LRRC37B: variants seen among roughly 807,000 people sequenced by gnomAD.
The protein encoded by LRRC37B is leucine rich repeat containing 37B.
Under a neutral mutation model 98.3 loss-of-function variants are expected in LRRC37B, and 28 were observed. That is an observed-to-expected ratio of 0.28 (90% confidence interval 0.21 to 0.39). The LOEUF (loss-of-function observed/expected upper bound fraction) is 0.39, where lower values mean the gene tolerates loss of function less well. Ranked by LOEUF, LRRC37B falls within the 10% of genes least tolerant of loss-of-function variation. The pLI is 1.00. For missense variants in LRRC37B, 938 were observed against 1,182.7 expected, an observed-to-expected ratio of 0.79 and a Z score of 3.03; for synonymous variants, 364 against 442.7, an observed-to-expected ratio of 0.82 and a Z score of 2.23.
chr17:32,025,030 GTTT>G (rs772444987), intron 2 of LRRC37B, among the ~76,000 whole-genome samples: 3 of 69,918 alleles, frequency 4.3e-5, no homozygotes, highest in Admixed American at 2.4e-4. Flanking sequence ...TTTTTTCCTC[GTTT>G]TTTTTTTTTT....
intron 8 of LRRC37B, chr17:32,047,258 T>G (rs2142261955): frequency 5.4e-6 from 1 of 184,886 alleles, no homozygotes; most frequent in African/African-American, 2.3e-5. Flanking sequence ...CATCCCGCCC[T>G]GCTCCTTTAG....
At chr17:32,020,003 G>A (rs962755733), upstream of LRRC37B, among the ~76,000 whole-genome samples, 2 of 151,994 alleles carry the variant, frequency 1.3e-5, no homozygotes, top group Non-Finnish European at 2.9e-5. Flanking sequence ...GCACCACCAC[G>A]CCTGGCTAAT....
At chr17:32,039,731 G>T (rs1023709580) in intron 7 of LRRC37B, among the ~76,000 whole-genome samples, 2 of 150,532 alleles carry the variant, frequency 1.3e-5, no homozygotes, top group African/African-American at 4.9e-5. Context: ...TGCTAAGGCT[G>T]GTTGAGGGCA....
At chr17:32,033,324 AAGGGAGGG>A (rs1567616357) in intron 5 of LRRC37B, among the ~76,000 whole-genome samples, 2 of 129,344 alleles carry the variant, frequency 1.5e-5, no homozygotes, top group African/African-American at 5.8e-5. Flanking sequence ...GGAAGGGAGG[AAGGGAGGG>A]AGGGGAGGGA....
chr17:32,049,788 G>A (rs529221411), intron 10 of LRRC37B, among the ~76,000 whole-genome samples: 257 of 152,162 alleles, frequency 1.7e-3, no homozygotes, highest in African/African-American at 5.6e-3. Flanking sequence ...GATCACCTGA[G>A]CCCAGGGAGG....
chr17:32,007,835 GC>G (rs1042983658), upstream of LRRC37B: 6 of 1,172,152 alleles, frequency 5.1e-6, no homozygotes, highest in African/African-American at 9.7e-5. This position sits in a 1 kb window ranked among gnomAD's most constrained non-coding sequence, Gnocchi z 4.1. Flanking sequence ...AGCCACCGCC[GC>G]CGGCCCGCCC....
rs898994731 is a variant in LRRC37B at position 32,040,937 on chromosome 17, G to A, written c.2205-4763G>A. 379 of 958,488 alleles carry A rather than the reference G, an allele frequency of 4.0e-4. 2 individuals are homozygous for A. The highest frequency in any genetic ancestry group is 7.1e-4 in the South Asian group (55 of 77,882). 59.4% of individuals were successfully genotyped at this position (958,488 alleles called of 1,614,324 possible). On this transcript the variant is annotated intron_variant, in intron 7 of 11. Coordinates refer to ENST00000327564, the Ensembl canonical transcript of LRRC37B. ...GCCGCCGCCTGGACTTTGACTAAAA[G>A]AAGCGGCAGGGCAAGATCCCCGATG...
intron 7 of LRRC37B, chr17:32,042,143 G>A (rs918364278): frequency 3.3e-6 from 1 of 299,246 alleles, no homozygotes; most frequent in African/African-American, 2.2e-5. Context: ...GCAACCAGGA[G>A]ACAGAGGCCA....
Position 32,045,744 on chromosome 17 carries a change from A to G in LRRC37B, c.2249A>G (p.Asn750Ser), listed in dbSNP as rs1315072019. The change falls in exon 8 of 12, where the codon AAT becomes AGT. Residue 750 changes from asparagine (N) to serine (S), a missense_variant. By Grantham distance (46) the Asn-to-Ser change is conservative (BLOSUM62 1). Coordinates refer to ENST00000327564, the Ensembl canonical transcript of LRRC37B. ...GCCTGCTGCCTCTGCCAATTTAAAAATAGCATTGAGGCTGTCTGCAAGACA... is the reference window on the plus strand; with the variant it reads ...GCCTGCTGCCTCTGCCAATTTAAAAGTAGCATTGAGGCTGTCTGCAAGACA... 11 of 1,602,922 alleles carry G rather than the reference A, an allele frequency of 6.9e-6. No individual in the cohort carries two copies. In the African/African-American group the frequency reaches 1.5e-4, roughly 21 times the overall value.
At position 32,024,894 on chromosome 17, in the gene LRRC37B, C is replaced by A. The variant is rs1413724467; in HGVS notation, c.1832+112C>A. The A allele has an allele frequency of 2.3e-5, 32 of 1,385,160 alleles. 1 individual carries two copies. Among genetic ancestry groups the A allele is most frequent in the Non-Finnish European group, 3.0e-5 (30 of 1,015,066 alleles). 85.8% of individuals were successfully genotyped at this position (1,385,160 alleles called of 1,614,324 possible). On this transcript the variant is annotated intron_variant, in intron 2 of 11. Coordinates refer to ENST00000327564, the Ensembl canonical transcript of LRRC37B. The stretch of plus-strand genomic sequence containing the variant: ...AGAAAAGATATTTCCCCTCCATACC[C>A]CAAATCAGCCTCTGTGGATTGCAAT...
chr17:32,038,899 G>C (rs1911325861), intron 7 of LRRC37B, among the ~76,000 whole-genome samples: 1 of 152,152 alleles, frequency 6.6e-6, no homozygotes, highest in South Asian at 2.1e-4. Context: ...ATAAAGTTTT[G>C]TGAAGAGCAG....
intron 7 of LRRC37B, chr17:32,036,349 A>G (rs1449847438): frequency 6.6e-6 from 1 of 152,210 alleles, no homozygotes; most frequent in African/African-American, 2.4e-5. Context: ...TGCCCCTATC[A>G]GTACAGCTGG....
exon 1 of LRRC37B, chr17:32,021,829 G>A: frequency 6.2e-7 from 1 of 1,614,190 alleles, no homozygotes; most frequent in South Asian, 1.1e-5. Flanking sequence ...GATTATTTGA[G>A]TATGGACACA....
At chr17:32,045,562 T>C in intron 7 of LRRC37B, 138 bp from the exon 11 acceptor site, 1 of 932,700 alleles carries the variant, frequency 1.1e-6, no homozygotes, top group South Asian at 1.5e-5. Flanking sequence ...ATTGGCCTTC[T>C]GGTTCCTACC....
upstream of LRRC37B, chr17:32,020,686 C>T: frequency 2.7e-6 from 1 of 365,018 alleles, no homozygotes; most frequent in Non-Finnish European, 4.2e-6. Flanking sequence ...TAACTGGCGC[C>T]CATTTTGCAG....
At chr17:32,009,837 G>A (rs1465052592) in intron 1 of LRRC37B, among the ~76,000 whole-genome samples, 1 of 151,600 alleles carries the variant, frequency 6.6e-6, no homozygotes, top group Non-Finnish European at 1.5e-5. Flanking sequence ...ATAGAGATGG[G>A]GTTTCGCTGT....
chr17:32,049,909 C>T, intron 10 of LRRC37B, 94 bp from the exon 14 acceptor site: 2 of 686,212 alleles, frequency 2.9e-6, no homozygotes, highest in Non-Finnish European at 5.0e-6. Flanking sequence ...AGCTACTCAA[C>T]TGGCATACTG....
In LRRC37B at chr17:32,021,636, G is replaced by T. The variant is rs1328268758; in HGVS notation, c.571G>T (p.Ala191Ser). The change falls in exon 1 of 12, where the codon GCA becomes TCA. Residue 191 changes from alanine (A) to serine (S), a missense_variant. Ala to Ser is a moderately conservative substitution (Grantham distance 99). This residue lies in a region of LRRC37B where 610 missense variants were observed against 625.6 expected (regional missense o/e 0.98). Coordinates refer to ENST00000327564, the Ensembl canonical transcript of LRRC37B. Reference sequence around the variant, plus strand: ...TCAAACTACAGATCTAGATCGGGCTGCAGGTCATCAGGCAGATGAAATACT... The same window carrying T: ...TCAAACTACAGATCTAGATCGGGCTTCAGGTCATCAGGCAGATGAAATACT... 6 of 1,614,238 alleles carry T rather than the reference G, an allele frequency of 3.7e-6. 1 individual carries two copies. The highest frequency in any genetic ancestry group is 5.1e-6 in the Non-Finnish European group (6 of 1,180,050).
chr17:32,021,154 G>A lies in LRRC37B; in HGVS notation c.89G>A (p.Trp30Ter). 1 of 1,613,938 alleles carries A rather than the reference G, an allele frequency of 6.2e-7. No homozygotes were observed. Among genetic ancestry groups the A allele is most frequent in the Non-Finnish European group, 8.5e-7 (1 of 1,180,030 alleles). ...ATAGCACCAGCGTGTGTCATGTCTT[G>A]GCTGCGTTTCTGGGGCCCATGGCCC... Residue 30 changes from tryptophan (W) to a stop codon, truncating the protein, a stop_gained, in exon 1 of 12, where the codon TGG (tryptophan) becomes TAG (stop). Transcript: ENST00000327564. LOFTEE classifies it high-confidence loss of function.
Sources: gnomAD v4.1 joint callset for allele counts (sites outside exome capture counted in the v4.1 genomes callset) on GRCh38, gnomAD v4.1.1 for gene constraint, gnomAD v4.1.1 regional missense constraint, Gnocchi (gnomAD v3.1) non-coding constraint, MANE v1.5 for transcripts, NCBI Gene and HGNC (gene_info 2026-07-23, HGNC 2026-07-21) for gene names.